Variants in MROH7 observed in about 807,000 individuals in gnomAD.
MROH7 encodes the protein maestro heat-like repeat-containing protein family member 7.
A neutral mutation model predicts 129.2 loss-of-function variants in MROH7; 113 were observed. That is an observed-to-expected ratio of 0.87 (90% CI 0.75 to 1.02). The LOEUF is 1.02. Ranked by LOEUF, MROH7 falls within the 50% of genes least tolerant of loss-of-function variation. The probability of loss-of-function intolerance (pLI) is 0.00; values close to 1 mark genes in which losing one functional copy is unlikely to be tolerated. For missense variants in MROH7, 1,601 were observed against 1,671.3 expected (o/e 0.96, Z 0.73); for synonymous variants, 655 against 667.9 (o/e 0.98, Z 0.30).
chr1:54,647,904 C>CAAAA (rs35151019), intron 1 of MROH7, among the ~76,000 whole-genome samples: 50 of 86,946 alleles, frequency 5.8e-4, no homozygotes, highest in East Asian at 2.1e-3. Context: ...GACTCCATCT[C>CAAAA]AAAAAAAAAA....
intron 13 of MROH7, 117 bp downstream of exon 13, chr1:54,680,162 T>C: frequency 1.2e-6 from 1 of 863,724 alleles, no homozygotes; most frequent in Non-Finnish European, 1.9e-6. Context: ...ATGGCCCCCC[T>C]TCTGTGATCT....
chr1:54,706,343 G>T, intron 21 of MROH7, 92 bp from the exon 22 acceptor site: 1 of 889,348 alleles, frequency 1.1e-6, no homozygotes, highest in Non-Finnish European at 1.9e-6. Context: ...GGAGGCAGGG[G>T]GTGAGGGTCA....
intron 3 of MROH7, among the ~76,000 whole-genome samples, chr1:54,660,862 A>C (rs1307667878): frequency 1.3e-5 from 2 of 152,064 alleles, no homozygotes; most frequent in East Asian, 3.9e-4. Context: ...AAAAAATCAT[A>C]GTCATTCTAG....
intron 22 of MROH7, among the ~76,000 whole-genome samples, chr1:54,708,348 G>GC (rs377606250): frequency 1.4e-3 from 207 of 152,302 alleles, no homozygotes; most frequent in African/African-American, 4.7e-3. Context: ...GACTGCTTGA[G>GC]CCCAGGAGTT....
chr1:54,683,425 C>T (rs1056477066), intron 14 of MROH7, among the ~76,000 whole-genome samples: 2 of 152,196 alleles, frequency 1.3e-5, no homozygotes, highest in East Asian at 1.9e-4. Flanking sequence ...GCTGAAGAGA[C>T]GGATTTGTCT....
At chr1:54,670,620 T>C (rs557590430) in intron 6 of MROH7, 44 bp downstream of exon 6, 2 of 1,561,412 alleles carry the variant, frequency 1.3e-6, no homozygotes, top group South Asian at 1.2e-5. Flanking sequence ...CTCTCCTCTC[T>C]TCCTCCACTT....
intron 16 of MROH7, among the ~76,000 whole-genome samples, chr1:54,694,319 G>T (rs1162537800): frequency 6.6e-6 from 1 of 152,256 alleles, no homozygotes; most frequent in Non-Finnish European, 1.5e-5. Flanking sequence ...CTCCATGCAT[G>T]ATTGCCAGAC....
At position 54,666,653 on chromosome 1, in the gene MROH7, C is replaced by A. The variant is rs188696205; in HGVS notation, c.1305+1413C>A. 3.2e-3 allele frequency among the ~76,000 whole-genome samples: 492 copies of A among 151,526 alleles called. 3 individuals are homozygous for A. Among genetic ancestry groups the A allele is most frequent in the African/African-American group, 0.012 (478 of 41,300 alleles). The stretch of plus-strand genomic sequence containing the variant: ...CTAGAGGTGAGGTCTCATTATGTTG[C>A]CCAGGCTGGTCTTGAACTCCTGAGC... On this transcript the variant is annotated intron_variant, in intron 4 of 23. Coordinates refer to ENST00000421030, the MANE Select transcript of MROH7 (RefSeq NM_001039464.4).
In MROH7 at chr1:54,669,625, C is replaced by T. The variant is rs184223059; in HGVS notation, c.1389+688C>T. Among the ~76,000 whole-genome samples the T allele has an allele frequency of 5.2e-4, 79 of 152,294 alleles. 1 individual carries two copies. Among genetic ancestry groups the T allele is most frequent in the African/African-American group, 1.4e-3 (60 of 41,566 alleles). ...CTGCAGCATCAAACTCCTGGGCTCA[C>T]GGGATCCTCCCGCCTTAGCCTCTCG... On this transcript the variant is annotated intron_variant, in intron 5 of 23. Transcript: ENST00000421030.
At chr1:54,707,465 A>T (rs142463763) in intron 22 of MROH7, among the ~76,000 whole-genome samples, 27 of 152,220 alleles carry the variant, frequency 1.8e-4, no homozygotes, top group Non-Finnish European at 1.5e-5. Context: ...TAGAACAACA[A>T]AGAGCCCTTC....
Position 54,672,138 on chromosome 1 carries a change from G to C in MROH7, c.1600-953G>C, listed in dbSNP as rs78133197. Among the ~76,000 whole-genome samples the C allele has an allele frequency of 8.1e-3, 1,229 of 152,170 alleles. 18 individuals are homozygous for C. The highest frequency in any genetic ancestry group is 0.027 in the African/African-American group (1,139 of 41,506). ...CAGCATCCCGGAGGTGGTGCCCTTG[G>C]AGAAGACTGGGGTTGTGGGGGTGAC... is the stretch of plus-strand genomic sequence containing the variant. On this transcript the variant is annotated intron_variant, in intron 7 of 23. Transcript: ENST00000421030.
chr1:54,708,874 C>T, intron 22 of MROH7, 140 bp from the exon 23 acceptor site: 1 of 732,042 alleles, frequency 1.4e-6, no homozygotes, highest in Non-Finnish European at 2.4e-6. Context: ...GTCCCAGGGT[C>T]CAAATGAAGT....
chr1:54,663,004 C>G (rs943326383), intron 3 of MROH7, among the ~76,000 whole-genome samples: 3 of 152,098 alleles, frequency 2.0e-5, no homozygotes, highest in African/African-American at 7.2e-5. Context: ...CTCATTGCAT[C>G]CTGTCTGGTG....
intron 1 of MROH7, among the ~76,000 whole-genome samples, chr1:54,644,745 T>G (rs1240692388): frequency 6.6e-6 from 1 of 151,294 alleles, no homozygotes; most frequent in Non-Finnish European, 1.5e-5. Flanking sequence ...CAAGTGATCC[T>G]CGGCCTCCCA....
chr1:54,650,726 ATT>A (rs60505412), intron 1 of MROH7, among the ~76,000 whole-genome samples: 8 of 137,416 alleles, frequency 5.8e-5, no homozygotes, highest in African/African-American at 7.9e-5. Context: ...CGCCATCCCG[ATT>A]TTTTTTTTTT....
At chr1:54,647,938 T>C in intron 1 of MROH7, among the ~76,000 whole-genome samples, 1 of 150,646 alleles carries the variant, frequency 6.6e-6, no homozygotes, top group Non-Finnish European at 1.5e-5. Flanking sequence ...GAATGTGGGA[T>C]AGGAGTTCAA....
chr1:54,709,209 T>TTCTG, intron 23 of MROH7, 133 bp downstream of exon 23: 1 of 808,698 alleles, frequency 1.2e-6, no homozygotes, highest in Non-Finnish European at 2.0e-6. Flanking sequence ...TGTACTAGTT[T>TTCTG]TTTGTTTGTT....
rs1644599675 is a variant in MROH7, at chr1:54,653,907, G to A, written c.981G>A (p.Met327Ile). The A allele has an allele frequency of 6.2e-7, 1 of 1,614,008 alleles. No homozygotes were observed. Among genetic ancestry groups the A allele is most frequent in the African/African-American group, 1.3e-5 (1 of 75,028 alleles). ...PNSTISPPSC[M>I]TLILGSNETL... ...CCACCATCTCTCCACCCTCATGCAT[G>A]ACTCTAATCCTGGGTTCCAATGAGA... The change falls in exon 3 of 24, where the codon ATG becomes ATA. Residue 327 changes from methionine to isoleucine, a missense_variant. By Grantham distance (10) the Met-to-Ile change is conservative. Transcript: ENST00000421030.
intron 3 of MROH7, among the ~76,000 whole-genome samples, chr1:54,657,029 A>T (rs1409721853): frequency 6.6e-6 from 1 of 151,110 alleles, no homozygotes; most frequent in Non-Finnish European, 1.5e-5. Context: ...TATATAAAAA[A>T]CAAAAAAATT....
Sources: gnomAD v4.1 joint callset for allele counts (sites outside exome capture counted in the v4.1 genomes callset) on GRCh38, gnomAD v4.1.1 for gene constraint, MANE v1.5 for transcripts, NCBI Gene and HGNC (gene_info 2026-07-23, HGNC 2026-07-21) for gene names.